Variants in SLC25A21 observed in about 807,000 individuals in gnomAD.
SLC25A21 encodes the protein mitochondrial 2-oxodicarboxylate carrier.
In SLC25A21, 47 loss-of-function variants were observed where a neutral mutation model predicts 43.8. The observed-to-expected ratio is 1.07, with a 90% confidence interval of 0.85 to 1.37. The LOEUF is 1.37. Among genes scored for constraint, SLC25A21 ranks in the 40% most tolerant of loss-of-function variants. SLC25A21 has a pLI of 0.00. For missense variants in SLC25A21, 352 were observed against 350.2 expected (o/e 1.00, Z -0.04); for synonymous variants, 131 against 121.3 (o/e 1.08, Z -0.52).
chr14:36,946,007 G>T (rs1228795572), intron 1 of SLC25A21, among the ~76,000 whole-genome samples: 4 of 152,166 alleles, frequency 2.6e-5, no homozygotes, highest in Non-Finnish European at 5.9e-5. Context: ...ATAACCTCTA[G>T]CCCTATGATG....
intron 2 of SLC25A21, among the ~76,000 whole-genome samples, chr14:36,870,089 T>C (rs997296892): frequency 1.3e-5 from 2 of 152,196 alleles, no homozygotes; most frequent in African/African-American, 4.8e-5. Context: ...GGTTCAGCAG[T>C]GAACAATGTT....
At chr14:37,147,634 G>GTTTT (rs3061860) in intron 1 of SLC25A21, among the ~76,000 whole-genome samples, 4 of 125,534 alleles carry the variant, frequency 3.2e-5, no homozygotes, top group South Asian at 2.4e-4. Context: ...CTTATTTCAG[G>GTTTT]TTTTTTTTTT....
chr14:37,064,409 C>A (rs1962015165), intron 1 of SLC25A21, among the ~76,000 whole-genome samples: 1 of 151,982 alleles, frequency 6.6e-6, no homozygotes, highest in Admixed American at 6.6e-5. Context: ...TTGATAAATT[C>A]TCTTGTCTCT....
chr14:37,004,552 T>A (rs1297678948), intron 1 of SLC25A21, among the ~76,000 whole-genome samples: 1 of 152,158 alleles, frequency 6.6e-6, no homozygotes, highest in Non-Finnish European at 1.5e-5. Context: ...ATTGAACATT[T>A]TCTGTGCCAC....
intron 1 of SLC25A21, among the ~76,000 whole-genome samples, chr14:37,046,543 C>T (rs754045896): frequency 9.9e-5 from 15 of 152,120 alleles, no homozygotes; most frequent in African/African-American, 1.9e-4. Context: ...CCACTCCCTA[C>T]GGTCATGTTG....
intron 1 of SLC25A21, among the ~76,000 whole-genome samples, chr14:36,887,490 G>A (rs190190096): frequency 9.6e-4 from 145 of 151,068 alleles, no homozygotes; most frequent in African/African-American, 3.5e-3. Flanking sequence ...TTAAACCTGG[G>A]AGGCGGATGT....
At chr14:37,051,401 A>G (rs1961703341) in intron 1 of SLC25A21, among the ~76,000 whole-genome samples, 1 of 152,230 alleles carries the variant, frequency 6.6e-6, no homozygotes, top group Non-Finnish European at 1.5e-5. Context: ...GGAAGAACTC[A>G]TTTCACAGCT....
intron 1 of SLC25A21, among the ~76,000 whole-genome samples, chr14:36,995,319 T>C (rs899676536): frequency 1.3e-5 from 2 of 152,234 alleles, no homozygotes; most frequent in Non-Finnish European, 2.9e-5. Flanking sequence ...TGTGCAATTT[T>C]AATATCTGGT....
At chr14:36,880,539 C>A (rs1890685743) in intron 1 of SLC25A21, among the ~76,000 whole-genome samples, 1 of 152,106 alleles carries the variant, frequency 6.6e-6, no homozygotes. Context: ...ATGTTTGTAT[C>A]CTCACCACTT....
chr14:36,735,255 T>C (rs1884984565), intron 3 of SLC25A21, among the ~76,000 whole-genome samples: 1 of 152,194 alleles, frequency 6.6e-6, no homozygotes, highest in African/African-American at 2.4e-5. Flanking sequence ...CATGGTCAGA[T>C]ATTTTTAGAA....
intron 1 of SLC25A21, among the ~76,000 whole-genome samples, chr14:37,013,204 A>G (rs2138741957): frequency 6.6e-6 from 1 of 152,288 alleles, no homozygotes; most frequent in South Asian, 2.1e-4. Flanking sequence ...AATCTGAGAG[A>G]CACGGAGCTT....
chr14:37,166,950 C>T (rs1285068974), intron 1 of SLC25A21, among the ~76,000 whole-genome samples: 3 of 152,042 alleles, frequency 2.0e-5, no homozygotes, highest in South Asian at 4.1e-4. Context: ...GTTAAGAAAA[C>T]CTGATGAATC....
At chr14:37,050,801 C>T (rs1325548070) in intron 1 of SLC25A21, among the ~76,000 whole-genome samples, 1 of 152,152 alleles carries the variant, frequency 6.6e-6, no homozygotes, top group Non-Finnish European at 1.5e-5. Context: ...GAAGCCTCTA[C>T]TAGTGAAAAG....
chr14:36,748,967 T>C (rs2139255363), intron 3 of SLC25A21, among the ~76,000 whole-genome samples: 1 of 152,350 alleles, frequency 6.6e-6, no homozygotes, highest in East Asian at 1.9e-4. Context: ...TTTCTCTGTC[T>C]ATCATGAATT....
At chr14:36,954,239 C>T (rs1959269871) in intron 1 of SLC25A21, among the ~76,000 whole-genome samples, 1 of 152,144 alleles carries the variant, frequency 6.6e-6, no homozygotes, top group Admixed American at 6.6e-5. Flanking sequence ...CTTCTCCACA[C>T]CCTTTTACGG....
intron 2 of SLC25A21, among the ~76,000 whole-genome samples, chr14:36,817,317 A>C (rs848079): frequency 4.3e-4 from 65 of 152,110 alleles, no homozygotes; most frequent in African/African-American, 1.4e-3. Context: ...TTTCTGCAGA[A>C]GTTCAGCAAG....
chr14:36,817,275 G>A (rs909443049), intron 2 of SLC25A21, among the ~76,000 whole-genome samples: 18 of 152,230 alleles, frequency 1.2e-4, no homozygotes, highest in Non-Finnish European at 4.4e-5. Context: ...GCACTGGGTC[G>A]TCCAGGTGTT....
At chr14:37,164,823 ATAAT>A (rs1287450909) in intron 1 of SLC25A21, among the ~76,000 whole-genome samples, 2 of 152,182 alleles carry the variant, frequency 1.3e-5, no homozygotes, top group Non-Finnish European at 2.9e-5. Flanking sequence ...ATACTCTCAG[ATAAT>A]TAATCTCCCA....
intron 1 of SLC25A21, among the ~76,000 whole-genome samples, chr14:36,958,817 C>A (rs1049250660): frequency 6.6e-6 from 1 of 152,196 alleles, no homozygotes; most frequent in Non-Finnish European, 1.5e-5. Flanking sequence ...ACAGAGTGGA[C>A]AGAACCAGGC....
Sources: gnomAD v4.1 joint callset for allele counts (sites outside exome capture counted in the v4.1 genomes callset) on GRCh38, gnomAD v4.1.1 for gene constraint, MANE v1.5 for transcripts, NCBI Gene and HGNC (gene_info 2026-07-23, HGNC 2026-07-21) for gene names.